Variants in CACNA1C observed in about 807,000 individuals in gnomAD.
CACNA1C encodes calcium voltage-gated channel subunit alpha1 C.
CACNA1C carries 30 observed loss-of-function variants against 229.0 expected under a neutral mutation model. The observed-to-expected ratio is 0.13, with a 90% CI of 0.10 to 0.18. The LOEUF (loss-of-function observed/expected upper bound fraction) is 0.18, where lower values mean the gene tolerates loss of function less well. CACNA1C is among the 10% of genes least tolerant of loss of function. The probability of loss-of-function intolerance (pLI) is 1.00; values close to 1 mark genes in which losing one functional copy is unlikely to be tolerated. For synonymous variants in CACNA1C, 1,114 were observed against 1,132.5 expected, an observed-to-expected ratio of 0.98 and a Z score of 0.33; for missense variants, 1,658 against 2,845.0, an observed-to-expected ratio of 0.58 and a Z score of 9.49.
At chr12:2,487,919 C>T (rs1480848368) in intron 6 of CACNA1C, among the ~76,000 whole-genome samples, 1 of 152,002 alleles carries the variant, frequency 6.6e-6, no homozygotes, top group African/African-American at 2.4e-5. Flanking sequence ...TCCTTAAAAA[C>T]TGACTGTGGT....
At position 2,067,118 on chromosome 12, in the gene CACNA1C, G is replaced by T. The variant is rs2059534612; in HGVS notation, c.49+13507G>T. Among the ~76,000 whole-genome samples the T allele has an allele frequency of 6.6e-6, 1 of 152,140 alleles. No individual in the cohort carries two copies. The highest frequency in any genetic ancestry group is 6.5e-5 in the Admixed American group (1 of 15,278). On this transcript the variant is annotated intron_variant, in intron 1 of 46. Transcript: ENST00000399655. The surrounding 1 kb of genome is among the most constrained non-coding windows in gnomAD (Gnocchi z 5.3). Reference sequence around the variant, plus strand: ...ATGAATTTGGCAAAGTGAGACAGCTGCTGACTAGGTCTGGGGGCAAAGGGT... The same window carrying T: ...ATGAATTTGGCAAAGTGAGACAGCTTCTGACTAGGTCTGGGGGCAAAGGGT...
chr12:2,562,624 C>T (rs2048101466), intron 11 of CACNA1C, among the ~76,000 whole-genome samples: 2 of 152,230 alleles, frequency 1.3e-5, no homozygotes, highest in African/African-American at 4.8e-5. Flanking sequence ...GACTCATTGT[C>T]TCATTTCTTT....
At chr12:2,277,074 A>G (rs1404625093) in intron 3 of CACNA1C, among the ~76,000 whole-genome samples, 1 of 152,198 alleles carries the variant, frequency 6.6e-6, no homozygotes, top group Non-Finnish European at 1.5e-5. Context: ...TCCTCAACTA[A>G]TATTAATAGC....
At chr12:2,274,190 A>C (rs1290030945) in intron 3 of CACNA1C, among the ~76,000 whole-genome samples, 1 of 152,152 alleles carries the variant, frequency 6.6e-6, no homozygotes, top group Non-Finnish European at 1.5e-5. Flanking sequence ...TCTAAGCTGG[A>C]CGTCCAGCAG....
intron 3 of CACNA1C, among the ~76,000 whole-genome samples, chr12:2,367,327 C>T (rs1406105052): frequency 1.3e-5 from 2 of 152,152 alleles, no homozygotes; most frequent in African/African-American, 2.4e-5. Context: ...GCTGCACAGC[C>T]GGTTCCTAAC....
At chr12:2,263,553 GGTCA>G (rs1274991472) in intron 3 of CACNA1C, among the ~76,000 whole-genome samples, 4 of 151,984 alleles carry the variant, frequency 2.6e-5, no homozygotes, top group African/African-American at 9.7e-5. Context: ...GAAGTGTGAC[GGTCA>G]GTCAGGAGGC....
chr12:2,014,930 T>G (rs2045085924), intron 1 of CACNA1C, among the ~76,000 whole-genome samples: 1 of 152,198 alleles, frequency 6.6e-6, no homozygotes, highest in African/African-American at 2.4e-5. Flanking sequence ...GAGCAATCCC[T>G]TCCTGCTCAC....
At chr12:2,600,042 G>A (rs1367007636) in intron 21 of CACNA1C, among the ~76,000 whole-genome samples, 1 of 152,198 alleles carries the variant, frequency 6.6e-6, no homozygotes, top group Non-Finnish European at 1.5e-5. Flanking sequence ...TTCTGTTAGA[G>A]CTCAGTAGTA....
intron 3 of CACNA1C, among the ~76,000 whole-genome samples, chr12:2,445,773 A>AGGG (rs2099271518): frequency 1.3e-5 from 2 of 152,184 alleles, no homozygotes; most frequent in South Asian, 4.1e-4. Flanking sequence ...GGTACCAGGC[A>AGGG]GTCTGGACTA....
chr12:2,394,170 G>A (rs2098534099), intron 3 of CACNA1C, among the ~76,000 whole-genome samples: 1 of 151,622 alleles, frequency 6.6e-6, no homozygotes, highest in African/African-American at 2.4e-5. Flanking sequence ...ATTTTCCAAG[G>A]TGCCAGGGTG....
rs779972739 is a variant in CACNA1C at position 2,666,383 on chromosome 12, G to C, written c.4527-303G>C. Among the ~76,000 whole-genome samples the C allele has an allele frequency of 5.9e-5, 9 of 152,114 alleles. No homozygotes were observed. The highest frequency in any genetic ancestry group is 1.2e-4 in the Non-Finnish European group (8 of 68,024). On this transcript the variant is annotated intron_variant, in intron 36 of 46. Transcript: ENST00000399655. The surrounding 1 kb of genome is among the most constrained non-coding windows in gnomAD (Gnocchi z 5.3). Reference sequence around the variant, plus strand: ...TCAGTAAATACCTTTTGGTCAGAAGGTTAGTTCATTCAATCAGCAAGTATA... The same window carrying C: ...TCAGTAAATACCTTTTGGTCAGAAGCTTAGTTCATTCAATCAGCAAGTATA...
In CACNA1C at chr12:2,533,387, G is replaced by A. The variant is rs117968441; in HGVS notation, c.1391-16556G>A. On this transcript the variant is annotated intron_variant, in intron 9 of 46. Transcript: ENST00000399655. Reference sequence around the variant, plus strand: ...ATAATGGATCAAACATTGAATGAGTGAAGGAGTACACACCCCGTCCCTTGG... The same window carrying A: ...ATAATGGATCAAACATTGAATGAGTAAAGGAGTACACACCCCGTCCCTTGG... Among the ~76,000 whole-genome samples the A allele has an allele frequency of 9.4e-3, 1,427 of 152,320 alleles. 11 individuals carry two copies. The highest frequency in any genetic ancestry group is 0.015 in the Non-Finnish European group (1,045 of 68,022).
chr12:2,230,661 A>G (rs965784455), intron 3 of CACNA1C, among the ~76,000 whole-genome samples: 1 of 152,214 alleles, frequency 6.6e-6, no homozygotes, highest in Non-Finnish European at 1.5e-5. Context: ...TTCTGGAGAA[A>G]AGAGGCTAGA....
intron 1 of CACNA1C, among the ~76,000 whole-genome samples, chr12:2,012,078 T>C (rs2044541151): frequency 1.3e-5 from 2 of 152,204 alleles, no homozygotes; most frequent in Non-Finnish European, 2.9e-5. Flanking sequence ...TTTAAACTGA[T>C]GTATGAAGCC....
chr12:2,148,807 A>G (rs1035857624), intron 3 of CACNA1C, among the ~76,000 whole-genome samples: 1 of 141,148 alleles, frequency 7.1e-6, no homozygotes, highest in Non-Finnish European at 1.6e-5. Context: ...CGACCTCCAA[A>G]GTACCCTCCC....
chr12:2,146,624 C>T (rs2094733591), intron 3 of CACNA1C, among the ~76,000 whole-genome samples: 1 of 151,084 alleles, frequency 6.6e-6, no homozygotes, highest in South Asian at 2.1e-4. Flanking sequence ...GAAAGCAGAG[C>T]CATTGGAAAG....
Position 2,632,755 on chromosome 12 carries a change from G to A in CACNA1C, c.3829-1542G>A, listed in dbSNP as rs550307892. Among the ~76,000 whole-genome samples, 13 of 152,162 alleles carry A rather than the reference G, an allele frequency of 8.5e-5. No individual in the cohort carries two copies. The South Asian group carries it at 1.5e-3, about 17-fold the overall frequency. ...CCTCAGGAAACGCTTTGATCACCGCGTGCCCTCTGCGCGGCGTCTGCATTC... is the reference window on the plus strand; with the variant it reads ...CCTCAGGAAACGCTTTGATCACCGCATGCCCTCTGCGCGGCGTCTGCATTC... On this transcript the variant is annotated intron_variant, in intron 29 of 46. Coordinates refer to ENST00000399655, the MANE Select transcript of CACNA1C (RefSeq NM_000719.7). The surrounding 1 kb of genome is among the most constrained non-coding windows in gnomAD (Gnocchi z 4.1).
At chr12:2,404,201 G>A (rs970160455) in intron 3 of CACNA1C, among the ~76,000 whole-genome samples, 4 of 152,178 alleles carry the variant, frequency 2.6e-5, no homozygotes, top group African/African-American at 7.2e-5. Context: ...CGGGAAACTC[G>A]AGCCGTGTCC....
Position 2,665,014 on chromosome 12 carries a change from G to T in CACNA1C, c.4398+24G>T. 2 of 1,613,076 alleles carry T rather than the reference G, an allele frequency of 1.2e-6. No homozygotes were observed. The highest frequency in any genetic ancestry group is 1.7e-6 in the Non-Finnish European group (2 of 1,179,536). On this transcript the variant is annotated intron_variant, in intron 35 of 46. Transcript: ENST00000399655. The surrounding 1 kb of genome is among the most constrained non-coding windows in gnomAD (Gnocchi z 5.9). ...TGGTAAGCCAAGGGGGAACTCAACA[G>T]CCAGCAGCCATGACTGCCCAGTTCC...
Sources: allele counts gnomAD v4.1 joint callset (sites outside exome capture counted in the v4.1 genomes callset), GRCh38; gene constraint gnomAD v4.1.1; non-coding constraint Gnocchi (gnomAD v3.1); transcripts MANE v1.5; gene names NCBI Gene and HGNC (gene_info 2026-07-23, HGNC 2026-07-21).